Variants in TM7SF3 observed in about 807,000 individuals in gnomAD.
TM7SF3 encodes the protein seven span transmembrane protein.
TM7SF3 carries 60 observed loss-of-function variants against 65.5 expected under a neutral mutation model. The observed-to-expected ratio is 0.92, with a 90% CI of 0.74 to 1.14. The LOEUF is 1.14. Ranked by LOEUF, TM7SF3 falls within the 50% of genes most tolerant of loss-of-function variation. The probability of loss-of-function intolerance (pLI) is 0.00; values close to 1 mark genes in which losing one functional copy is unlikely to be tolerated. For synonymous variants in TM7SF3, 264 were observed against 259.6 expected (o/e 1.02, Z -0.16); for missense variants, 623 against 684.8 (o/e 0.91, Z 1.01).
In TM7SF3 at chr12:27,014,358, A is replaced by G. The variant is rs1024377354; in HGVS notation, c.-190T>C. 6.1e-5 allele frequency: 22 copies of G among 362,356 alleles called. No individual in the cohort carries two copies. Among genetic ancestry groups the G allele is most frequent in the Non-Finnish European group, 1.1e-4 (22 of 206,144 alleles). The allele number at this position is 362,356 out of a possible 1,614,324, so 22.4% of individuals were successfully genotyped here. On this transcript the variant is annotated 5_prime_UTR_variant, in exon 1 of 12. Transcript: ENST00000343028. ...CGCGCCCCGCCGAACTCCTAGCCCC[A>G]GCGAGAGGTTTCCTCTTCCGGCACC...
At chr12:26,996,644 C>A in intron 4 of TM7SF3, 98 bp downstream of exon 4, 2 of 1,286,114 alleles carry the variant, frequency 1.6e-6, no homozygotes, top group Non-Finnish European at 2.1e-6. Context: ...CTCAATTTTA[C>A]TACAGAGAAT....
At chr12:26,995,024 C>T (rs921265493) in intron 5 of TM7SF3, among the ~76,000 whole-genome samples, 2 of 152,118 alleles carry the variant, frequency 1.3e-5, no homozygotes, top group South Asian at 2.1e-4. Context: ...GCAACTAAAA[C>T]GTAACATAAT....
In TM7SF3 at chr12:26,973,298, C is replaced by T. The variant is rs925059683; in HGVS notation, c.*667G>A. 6.6e-6 allele frequency: 1 copy of T among 152,026 alleles called. No homozygotes were observed. Among genetic ancestry groups the T allele is most frequent in the African/African-American group, 2.4e-5 (1 of 41,346 alleles). 9.4% of individuals were successfully genotyped at this position (152,026 alleles called of 1,614,324 possible). ...TCCAGGGATCCTCCCATCTCAGTCTCCTTGGGAGCTGGGAGTAGGCATGTG... is the reference window on the plus strand; with the variant it reads ...TCCAGGGATCCTCCCATCTCAGTCTTCTTGGGAGCTGGGAGTAGGCATGTG... On this transcript the variant is annotated 3_prime_UTR_variant, in exon 12 of 12. Coordinates refer to ENST00000343028, the MANE Select transcript of TM7SF3 (RefSeq NM_016551.3).
intron 11 of TM7SF3, 135 bp from the exon 12 acceptor site, chr12:26,974,362 T>TAGTTCCTC (rs1939483572): frequency 1.1e-6 from 1 of 920,520 alleles, no homozygotes; most frequent in Admixed American, 3.0e-5. Flanking sequence ...AACACATATG[T>TAGTTCCTC]AGTTCCTCAG....
At chr12:26,993,406 C>G (rs868729482) in intron 5 of TM7SF3, among the ~76,000 whole-genome samples, 1 of 152,144 alleles carries the variant, frequency 6.6e-6, no homozygotes, top group Admixed American at 6.5e-5. Flanking sequence ...TTTTATCCCC[C>G]ATATTTCCTG....
At chr12:27,013,630 C>T (rs1292976031) in intron 1 of TM7SF3, among the ~76,000 whole-genome samples, 9 of 152,062 alleles carry the variant, frequency 5.9e-5, no homozygotes, top group African/African-American at 2.2e-4. Flanking sequence ...AGAACATAAC[C>T]AGTTTGAAAA....
intron 6 of TM7SF3, among the ~76,000 whole-genome samples, chr12:26,989,021 T>C (rs1234859537): frequency 1.3e-5 from 2 of 152,252 alleles, no homozygotes; most frequent in African/African-American, 2.4e-5. Context: ...CTCATTTTAT[T>C]GTAAGACTAT....
Position 27,002,069 on chromosome 12 carries a change from A to G in TM7SF3, c.246+1167T>C, listed in dbSNP as rs946946304. Among the ~76,000 whole-genome samples, 13 of 152,168 alleles carry G rather than the reference A, an allele frequency of 8.5e-5. No individual in the cohort carries two copies. The East Asian group carries it at 2.5e-3, about 29-fold the overall frequency. On this transcript the variant is annotated intron_variant, in intron 2 of 11. Coordinates refer to ENST00000343028, the MANE Select transcript of TM7SF3 (RefSeq NM_016551.3). ...CAACACACACGCACACACGTGCACA[A>G]CCACATGCACACAATTTCCAAACCT...
At chr12:26,996,680 T>C (rs1336791698) in intron 4 of TM7SF3, 62 bp downstream of exon 4, 8 of 1,529,462 alleles carry the variant, frequency 5.2e-6, no homozygotes, top group Admixed American at 2.3e-5. Flanking sequence ...GCTGGTCAAA[T>C]CTACACAACT....
chr12:26,999,585 C>A lies in TM7SF3; in HGVS notation c.338G>T (p.Gly113Val). The change falls in exon 3 of 12, where the codon GGG (glycine) becomes GTG (valine). Residue 113 changes from glycine to valine, a missense_variant. Gly to Val is a moderately radical substitution (Grantham distance 109). Transcript: ENST00000343028. ...PEQSTCTWYL[G>V]TSGIQPVQNM... ...CTGGACAGGCTGTATGCCTGAAGTC[C>A]CCAAGTACCAAGTGCATGTACTCTG... is the stretch of plus-strand genomic sequence containing the variant. 5 of 1,614,062 alleles carry A rather than the reference C, an allele frequency of 3.1e-6. No homozygotes were observed. Among genetic ancestry groups the A allele is most frequent in the Non-Finnish European group, 4.2e-6 (5 of 1,179,986 alleles).
chr12:26,986,544 C>A (rs922923740), intron 6 of TM7SF3, among the ~76,000 whole-genome samples: 2 of 152,188 alleles, frequency 1.3e-5, no homozygotes, highest in Admixed American at 6.5e-5. Flanking sequence ...TACTACCCCC[C>A]ACCTTGAATA....
At chr12:26,996,372 T>G (rs1940597933) in intron 4 of TM7SF3, among the ~76,000 whole-genome samples, 1 of 152,200 alleles carries the variant, frequency 6.6e-6, no homozygotes, top group Non-Finnish European at 1.5e-5. Context: ...TCATTACTAT[T>G]AAAGCAGAAA....
intron 5 of TM7SF3, among the ~76,000 whole-genome samples, chr12:26,992,985 C>T (rs1449130837): frequency 7.0e-6 from 1 of 142,280 alleles, no homozygotes; most frequent in Admixed American, 7.3e-5. Context: ...TCTCAGCTTA[C>T]TGCAACTTCT....
At chr12:26,986,590 AT>A (rs922365307) in intron 6 of TM7SF3, among the ~76,000 whole-genome samples, 37 of 150,596 alleles carry the variant, frequency 2.5e-4, no homozygotes, top group African/African-American at 8.3e-4. Context: ...AGTGTCACTG[AT>A]TTTTTTTTTC....
intron 1 of TM7SF3, among the ~76,000 whole-genome samples, chr12:27,013,377 G>C (rs1941323276): frequency 6.6e-6 from 1 of 152,164 alleles, no homozygotes; most frequent in South Asian, 2.1e-4. Context: ...GAACAACTCT[G>C]ATACCTGGAC....
Position 27,010,157 on chromosome 12 carries a change from A to T in TM7SF3, c.91+3921T>A, listed in dbSNP as rs113894594. Among the ~76,000 whole-genome samples, 699 of 152,360 alleles carry T rather than the reference A, an allele frequency of 4.6e-3. 8 individuals carry two copies. Among genetic ancestry groups the T allele is most frequent in the African/African-American group, 0.016 (678 of 41,590 alleles). ...GTAAAATTGAGGTAACTGTGCTGCC[A>T]TCAGTTGGCTGCTGAAAGTATCAAA... On this transcript the variant is annotated intron_variant, in intron 1 of 11. Transcript: ENST00000343028.
intron 1 of TM7SF3, among the ~76,000 whole-genome samples, chr12:27,008,927 T>C (rs2136456371): frequency 6.6e-6 from 1 of 152,288 alleles, no homozygotes; most frequent in East Asian, 1.9e-4. Context: ...ATAATTCCAG[T>C]GATGGATACA....
chr12:26,990,370 TTGAA>T (rs776472977), intron 6 of TM7SF3, 76 bp downstream of exon 6: 122 of 1,063,822 alleles, frequency 1.1e-4, no homozygotes, highest in Non-Finnish European at 1.7e-4. Flanking sequence ...AAGGTATGTG[TTGAA>T]TGAATGAGAA....
rs1274159793 is a variant in TM7SF3 at position 27,009,801 on chromosome 12, C to T, written c.91+4277G>A. 2.6e-5 allele frequency among the ~76,000 whole-genome samples: 4 copies of T among 152,146 alleles called. No individual in the cohort carries two copies. In the South Asian group the frequency reaches 8.3e-4, roughly 31 times the overall value. ...TAATGTTTAGCTGGGTTTGAGAACT[C>T]CTAACATAGTGTTTGATAAACAAGC... On this transcript the variant is annotated intron_variant, in intron 1 of 11. Transcript: ENST00000343028.
Sources: allele counts gnomAD v4.1 joint callset (sites outside exome capture counted in the v4.1 genomes callset), GRCh38; gene constraint gnomAD v4.1.1; transcripts MANE v1.5; gene names NCBI Gene and HGNC (gene_info 2026-07-23, HGNC 2026-07-21).